The following ACER3 variants were observed in gnomAD, a reference collection of about 807,000 sequenced individuals.
ACER3 encodes alkCDase 3.
A neutral mutation model predicts 48.9 loss-of-function variants in ACER3; 16 were observed. The observed-to-expected ratio is 0.33, with a 90% confidence interval of 0.22 to 0.50. The LOEUF is 0.50. Ranked by LOEUF, ACER3 falls within the 20% of genes least tolerant of loss-of-function variation. The probability of loss-of-function intolerance (pLI) is 0.98; values close to 1 mark genes in which losing one functional copy is unlikely to be tolerated. For synonymous variants in ACER3, 109 were observed against 107.8 expected, an observed-to-expected ratio of 1.01 and a Z score of -0.07; for missense variants, 227 against 326.0, an observed-to-expected ratio of 0.70 and a Z score of 2.34.
intron 1 of ACER3, among the ~76,000 whole-genome samples, chr11:76,871,648 C>G (rs943751106): frequency 2.0e-5 from 3 of 152,158 alleles, no homozygotes; most frequent in Non-Finnish European, 4.4e-5. Context: ...GATGGCTGCC[C>G]TTAGAGGCAA....
chr11:76,934,631 A>C (rs899993236), intron 2 of ACER3, among the ~76,000 whole-genome samples: 4 of 135,568 alleles, frequency 3.0e-5, no homozygotes, highest in African/African-American at 1.0e-4. Context: ...CCGAGATGGC[A>C]GCAGTACAGT....
intron 2 of ACER3, among the ~76,000 whole-genome samples, chr11:76,951,309 GT>G (rs1010590928): frequency 6.6e-6 from 1 of 151,910 alleles, no homozygotes; most frequent in African/African-American, 2.4e-5. Context: ...AACTAGAAGG[GT>G]TTTTTTTACT....
chr11:77,015,874 G>A (rs1182590076), intron 8 of ACER3, among the ~76,000 whole-genome samples: 7 of 152,112 alleles, frequency 4.6e-5, no homozygotes, highest in Non-Finnish European at 8.8e-5. Context: ...CTGGGAGGCC[G>A]AGGGGGCGGA....
rs555236378 is a variant in ACER3, at chr11:76,925,707, A to G, written c.104-850A>G. Among the ~76,000 whole-genome samples, 5 of 152,180 alleles carry G rather than the reference A, an allele frequency of 3.3e-5. No homozygotes were observed. In the South Asian group the frequency reaches 6.2e-4, roughly 19 times the overall value. ...CAGTTTCCTTGTTTGCACTCATTAC[A>G]TTCTCCAGTTGATTCCAGAAAAAGA... is the stretch of plus-strand genomic sequence containing the variant. On this transcript the variant is annotated intron_variant, in intron 1 of 10. Coordinates refer to ENST00000532485, the MANE Select transcript of ACER3 (RefSeq NM_018367.7).
chr11:76,962,479 A>G (rs1289019824), intron 3 of ACER3, among the ~76,000 whole-genome samples: 1 of 151,186 alleles, frequency 6.6e-6, no homozygotes, highest in Admixed American at 6.6e-5. Flanking sequence ...CTGGCCTCCC[A>G]AAGTGCTGGG....
Position 77,020,393 on chromosome 11 carries a change from C to G in ACER3, c.*66C>G. 1.2e-5 allele frequency: 18 copies of G among 1,538,800 alleles called. No individual in the cohort carries two copies. Among genetic ancestry groups the G allele is most frequent in the Non-Finnish European group, 1.6e-5 (18 of 1,121,512 alleles). On this transcript the variant is annotated 3_prime_UTR_variant, in exon 11 of 11. Transcript: ENST00000532485. ...GACCTGGCAGAATAAATAAGGAAAT[C>G]CTTAAAGATCTACAAGTTCAAATAT...
chr11:76,994,154 A>G (rs1330248739), intron 6 of ACER3: 3 of 447,474 alleles, frequency 6.7e-6, no homozygotes. Flanking sequence ...TTTTTTGATA[A>G]GGAGTCTCAC....
chr11:76,902,148 C>CTTCT (rs1946098258), intron 1 of ACER3, among the ~76,000 whole-genome samples: 1 of 152,040 alleles, frequency 6.6e-6, no homozygotes, highest in African/African-American at 2.4e-5. Flanking sequence ...GGGAACTTGT[C>CTTCT]TTCTGCCTTT....
chr11:77,018,943 A>C (rs1488747609), intron 9 of ACER3, among the ~76,000 whole-genome samples: 1 of 152,244 alleles, frequency 6.6e-6, no homozygotes, highest in Non-Finnish European at 1.5e-5. Context: ...TATTGATGAA[A>C]GTGGTTACAC....
At chr11:76,941,328 T>C (rs2134925724) in intron 2 of ACER3, among the ~76,000 whole-genome samples, 1 of 152,292 alleles carries the variant, frequency 6.6e-6, no homozygotes, top group South Asian at 2.1e-4. Context: ...GTTTAGAGCA[T>C]AGATCCACTA....
At chr11:76,896,311 C>A (rs1006466475) in intron 1 of ACER3, among the ~76,000 whole-genome samples, 2 of 152,024 alleles carry the variant, frequency 1.3e-5, no homozygotes, top group East Asian at 1.9e-4. Context: ...CAGAACCTTT[C>A]GTGAAGTTTT....
At chr11:76,924,732 AT>A (rs1446400313) in intron 1 of ACER3, among the ~76,000 whole-genome samples, 1 of 152,184 alleles carries the variant, frequency 6.6e-6, no homozygotes, top group East Asian at 1.9e-4. Context: ...CATCCATAAT[AT>A]CAATATGGCT....
intron 2 of ACER3, among the ~76,000 whole-genome samples, chr11:76,932,008 G>C (rs1947012817): frequency 6.8e-6 from 1 of 147,898 alleles, no homozygotes; most frequent in Non-Finnish European, 1.5e-5. Context: ...GAGTGTAGTG[G>C]TACAATCTTG....
Position 76,968,281 on chromosome 11 carries a change from G to T in ACER3, c.268-8008G>T, listed in dbSNP as rs1382187031. Among the ~76,000 whole-genome samples, 22 of 150,374 alleles carry T rather than the reference G, an allele frequency of 1.5e-4. No individual in the cohort carries two copies. The South Asian group carries it at 2.8e-3, about 19-fold the overall frequency. On this transcript the variant is annotated intron_variant, in intron 3 of 10. Coordinates refer to ENST00000532485, the MANE Select transcript of ACER3 (RefSeq NM_018367.7). ...AGGAGAACTACAAACCACTGCTCAA[G>T]GAAATAAAAGAGGATACAAACAAAT...
At chr11:76,932,203 G>T (rs972257136) in intron 2 of ACER3, among the ~76,000 whole-genome samples, 2 of 152,070 alleles carry the variant, frequency 1.3e-5, no homozygotes, top group African/African-American at 4.8e-5. Flanking sequence ...TCCTGCCGTG[G>T]CCTCCCAAAG....
At chr11:76,994,220 C>T (rs1948868080) in intron 6 of ACER3, 8 of 453,692 alleles carry the variant, frequency 1.8e-5, no homozygotes. Flanking sequence ...GAACCTCCAC[C>T]TCCCAGGTTC....
At chr11:77,006,073 T>C (rs1311597380) in intron 7 of ACER3, among the ~76,000 whole-genome samples, 1 of 147,960 alleles carries the variant, frequency 6.8e-6, no homozygotes, top group Admixed American at 6.8e-5. Context: ...CACTGCAACC[T>C]CTGCCTCTCG....
chr11:76,893,937 T>C (rs1458731369), intron 1 of ACER3, among the ~76,000 whole-genome samples: 1 of 152,226 alleles, frequency 6.6e-6, no homozygotes, highest in Non-Finnish European at 1.5e-5. Flanking sequence ...CATTCATTTG[T>C]GGAGTGAAGG....
intron 3 of ACER3, among the ~76,000 whole-genome samples, chr11:76,970,565 TATG>T (rs1221356684): frequency 6.6e-6 from 1 of 152,184 alleles, no homozygotes; most frequent in African/African-American, 2.4e-5. Flanking sequence ...TATTTGTATT[TATG>T]ATATTATTGA....
Sources: allele counts gnomAD v4.1 joint callset (sites outside exome capture counted in the v4.1 genomes callset), GRCh38; gene constraint gnomAD v4.1.1; transcripts MANE v1.5; gene names NCBI Gene and HGNC (gene_info 2026-07-23, HGNC 2026-07-21).